The following STXBP5L variants were observed in gnomAD, a reference collection of about 807,000 sequenced individuals.
STXBP5L encodes the protein syntaxin binding protein 5L.
A neutral mutation model predicts 144.5 loss-of-function variants in STXBP5L; 65 were observed. That is an observed-to-expected ratio of 0.45 (90% CI 0.37 to 0.55). The LOEUF is 0.55. Ranked by LOEUF, STXBP5L falls within the 20% of genes least tolerant of loss-of-function variation. STXBP5L has a pLI of 0.00. For synonymous variants in STXBP5L, 505 were observed against 469.6 expected (o/e 1.08, Z -0.97); for missense variants, 1,298 against 1,405.5 (o/e 0.92, Z 1.22).
chr3:121,189,743 T>C (rs986392535), intron 9 of STXBP5L, among the ~76,000 whole-genome samples: 34 of 152,198 alleles, frequency 2.2e-4, no homozygotes, highest in African/African-American at 7.7e-4. Flanking sequence ...AATAGTTTTT[T>C]TTGTTTGTTT....
intron 20 of STXBP5L, among the ~76,000 whole-genome samples, chr3:121,362,880 A>G (rs2108642546): frequency 6.6e-6 from 1 of 152,232 alleles, no homozygotes; most frequent in Non-Finnish European, 1.5e-5. Context: ...GGTTCATCCA[A>G]GGCCCTTAAC....
intron 7 of STXBP5L, among the ~76,000 whole-genome samples, chr3:121,140,304 A>G (rs543556457): frequency 6.6e-6 from 1 of 152,238 alleles, no homozygotes; most frequent in African/African-American, 2.4e-5. Context: ...GTAAATTGGT[A>G]TAACCATTGT....
At chr3:121,379,771 TATA>T (rs1384860278) in intron 21 of STXBP5L, among the ~76,000 whole-genome samples, 4 of 152,206 alleles carry the variant, frequency 2.6e-5, no homozygotes, top group Admixed American at 2.0e-4. Context: ...TTTGGAGCCA[TATA>T]ATATCTAGCA....
At chr3:121,008,972 A>G (rs1423897177) in intron 3 of STXBP5L, among the ~76,000 whole-genome samples, 2 of 151,550 alleles carry the variant, frequency 1.3e-5, no homozygotes, top group Non-Finnish European at 2.9e-5. Flanking sequence ...CTTTTGAGGA[A>G]TGATATCATA....
chr3:121,337,224 G>A (rs2044538892), intron 20 of STXBP5L, among the ~76,000 whole-genome samples: 1 of 151,922 alleles, frequency 6.6e-6, no homozygotes, highest in Admixed American at 6.6e-5. Context: ...TAACAAATCA[G>A]CACATATACA....
At chr3:121,059,531 T>C (rs979407480) in intron 5 of STXBP5L, among the ~76,000 whole-genome samples, 12 of 152,206 alleles carry the variant, frequency 7.9e-5, no homozygotes, top group Admixed American at 6.5e-4. Flanking sequence ...GGTAGCTTGA[T>C]GGGGATAGCA....
chr3:121,383,648 C>T lies in STXBP5L; in HGVS notation c.2587+2116C>T, dbSNP rs553614036. ...TAACCATTACAAGAAAGAAAGTCTACTTGGGAGCCATAATTTATGGCAGTA... is the reference window on the plus strand; with the variant it reads ...TAACCATTACAAGAAAGAAAGTCTATTTGGGAGCCATAATTTATGGCAGTA... On this transcript the variant is annotated intron_variant, in intron 22 of 26. Coordinates refer to ENST00000471454, the MANE Select transcript of STXBP5L (RefSeq NM_001308330.2). 3.8e-3 allele frequency among the ~76,000 whole-genome samples: 572 copies of T among 152,136 alleles called. 8 individuals carry two copies. Among genetic ancestry groups the T allele is most frequent in the Middle Eastern group, 0.027 (8 of 294 alleles).
At chr3:121,193,742 A>G (rs1335673457) in intron 9 of STXBP5L, among the ~76,000 whole-genome samples, 6 of 152,148 alleles carry the variant, frequency 3.9e-5, no homozygotes, top group African/African-American at 9.7e-5. Context: ...CAAACACCGT[A>G]TGTTCTCACT....
chr3:121,060,298 G>A (rs1318974264), intron 5 of STXBP5L, among the ~76,000 whole-genome samples: 12 of 151,992 alleles, frequency 7.9e-5, no homozygotes, highest in South Asian at 6.2e-4. Flanking sequence ...ATGTTGAACC[G>A]GCCTTGCTTC....
chr3:121,048,483 A>G (rs1441977364), intron 5 of STXBP5L, among the ~76,000 whole-genome samples: 2 of 152,102 alleles, frequency 1.3e-5, no homozygotes, highest in African/African-American at 2.4e-5. Flanking sequence ...AGGGATACTA[A>G]TGAATTGGAG....
chr3:121,094,624 G>C (rs538783272), intron 5 of STXBP5L, among the ~76,000 whole-genome samples: 2 of 151,846 alleles, frequency 1.3e-5, no homozygotes, highest in African/African-American at 2.4e-5. Flanking sequence ...CCATTTGCTT[G>C]GTAGATCTTC....
At chr3:121,039,181 A>G (rs1191226997) in intron 3 of STXBP5L, among the ~76,000 whole-genome samples, 1 of 151,788 alleles carries the variant, frequency 6.6e-6, no homozygotes, top group Non-Finnish European at 1.5e-5. Context: ...AGCTCCCCCC[A>G]ACAATATTCT....
intron 5 of STXBP5L, among the ~76,000 whole-genome samples, chr3:121,098,494 C>G (rs1013165698): frequency 2.6e-4 from 40 of 152,172 alleles, no homozygotes; most frequent in African/African-American, 9.4e-4. Context: ...AGTTCTGACT[C>G]TATAAGATTA....
intron 3 of STXBP5L, among the ~76,000 whole-genome samples, chr3:120,961,590 G>A (rs1018960897): frequency 3.3e-5 from 5 of 152,132 alleles, no homozygotes; most frequent in South Asian, 2.1e-4. Context: ...ATGTCCCTGC[G>A]AAGGGCTAGA....
chr3:121,304,438 A>T (rs2043265792), intron 19 of STXBP5L, among the ~76,000 whole-genome samples: 1 of 152,168 alleles, frequency 6.6e-6, no homozygotes, highest in African/African-American at 2.4e-5. Context: ...TTTCATGTAA[A>T]CACGTAACAT....
chr3:121,348,439 C>G (rs937001255), intron 20 of STXBP5L, among the ~76,000 whole-genome samples: 4 of 152,006 alleles, frequency 2.6e-5, no homozygotes, highest in East Asian at 1.9e-4. Flanking sequence ...GTGTCTCTGT[C>G]AGGCTTTGGT....
intron 3 of STXBP5L, among the ~76,000 whole-genome samples, chr3:121,019,191 C>A (rs1945365627): frequency 6.6e-6 from 1 of 152,142 alleles, no homozygotes; most frequent in South Asian, 2.1e-4. Context: ...GAAAACCACA[C>A]CCCCATTCCT....
chr3:121,033,844 C>G (rs1946559745), intron 3 of STXBP5L, among the ~76,000 whole-genome samples: 1 of 151,876 alleles, frequency 6.6e-6, no homozygotes, highest in East Asian at 1.9e-4. Context: ...TGAAAAGTAT[C>G]AAGCAGCCTG....
chr3:121,116,249 A>G (rs2044225389), intron 6 of STXBP5L, among the ~76,000 whole-genome samples: 1 of 152,168 alleles, frequency 6.6e-6, no homozygotes, highest in Non-Finnish European at 1.5e-5. Flanking sequence ...TCTAAGTTAC[A>G]AAATTATTCT....
Sources: allele counts gnomAD v4.1 joint callset (sites outside exome capture counted in the v4.1 genomes callset), GRCh38; gene constraint gnomAD v4.1.1; transcripts MANE v1.5; gene names NCBI Gene and HGNC (gene_info 2026-07-23, HGNC 2026-07-21).